The following PEAK1 variants were observed in gnomAD, a reference collection of about 807,000 sequenced individuals.
PEAK1 encodes pseudopodium enriched atypical kinase 1.
In PEAK1, 54 loss-of-function variants were observed where a neutral mutation model predicts 124.7. The observed-to-expected ratio is 0.43, with a 90% CI of 0.35 to 0.54. The LOEUF (loss-of-function observed/expected upper bound fraction) is 0.54. Ranked by LOEUF, PEAK1 falls within the 20% of genes least tolerant of loss-of-function variation. The pLI, the probability that PEAK1 is intolerant of heterozygous loss-of-function variation, is 0.01. For synonymous variants in PEAK1, 719 were observed against 760.0 expected, an observed-to-expected ratio of 0.95 and a Z score of 0.89; for missense variants, 2,046 against 2,134.5, an observed-to-expected ratio of 0.96 and a Z score of 0.82.
At chr15:77,296,795 T>C (rs1567225186) in intron 2 of PEAK1, among the ~76,000 whole-genome samples, 1 of 151,690 alleles carries the variant, frequency 6.6e-6, no homozygotes, top group African/African-American at 2.4e-5. Flanking sequence ...AAGAGGCCCA[T>C]ATTTTTCTTT....
intron 2 of PEAK1, among the ~76,000 whole-genome samples, chr15:77,351,474 G>A (rs2067205454): frequency 6.6e-6 from 1 of 152,114 alleles, no homozygotes; most frequent in Admixed American, 6.5e-5. Context: ...TCTCCATAGG[G>A]TATATGCCGT....
chr15:77,355,500 C>T lies in PEAK1; in HGVS notation c.-603+9663G>A, dbSNP rs367563838. Among the ~76,000 whole-genome samples, 6 of 152,118 alleles carry T rather than the reference C, an allele frequency of 3.9e-5. No individual in the cohort carries two copies. In the South Asian group the frequency reaches 6.2e-4, roughly 16 times the overall value. ...TCAGAGAGACCCTTTTATAATTGCG[C>T]AAGTCACAACACATTTTGGCCCCGC... On this transcript the variant is annotated intron_variant, in intron 2 of 9. Transcript: ENST00000682557.
rs145253499 is a variant in PEAK1 at position 77,343,190 on chromosome 15, T to C, written c.-603+21973A>G. Reference sequence around the variant, plus strand: ...CTATCCTAATAGGTGTAAAGTGGTATATCACTGTGTTTTGATTTGGATTTC... The same window carrying C: ...CTATCCTAATAGGTGTAAAGTGGTACATCACTGTGTTTTGATTTGGATTTC... On this transcript the variant is annotated intron_variant, in intron 2 of 9. Transcript: ENST00000682557. Among the ~76,000 whole-genome samples the C allele has an allele frequency of 2.8e-4, 42 of 152,352 alleles. No individual in the cohort carries two copies. In the East Asian group the frequency reaches 3.7e-3, roughly 13 times the overall value.
intron 6 of PEAK1, among the ~76,000 whole-genome samples, chr15:77,217,522 G>A (rs755163970): frequency 8.5e-5 from 13 of 152,126 alleles, no homozygotes; most frequent in Non-Finnish European, 1.2e-4. Context: ...AACGTTCCTG[G>A]TTCATTCTTC....
At chr15:77,118,799 G>C (rs903396315) in intron 9 of PEAK1, among the ~76,000 whole-genome samples, 6 of 152,274 alleles carry the variant, frequency 3.9e-5, no homozygotes, top group Non-Finnish European at 8.8e-5. Context: ...GAACTGGAAT[G>C]GTCCTACATC....
At chr15:77,122,855 T>C (rs2052038550) in intron 9 of PEAK1, among the ~76,000 whole-genome samples, 1 of 152,226 alleles carries the variant, frequency 6.6e-6, no homozygotes, top group Non-Finnish European at 1.5e-5. Context: ...CAGTAATTAA[T>C]TGTCTGTATA....
rs549613129 is a variant in PEAK1 at position 77,310,286 on chromosome 15, G to A, written c.-602-23782C>T. On this transcript the variant is annotated intron_variant, in intron 2 of 9. Coordinates refer to ENST00000682557, the MANE Select transcript of PEAK1 (RefSeq NM_001385026.1). ...TTTGAACTAATAGGTTTAAGTCTGG[G>A]GTCCCTGAGTCACTCCTTTTACAAG... Among the ~76,000 whole-genome samples the A allele has an allele frequency of 5.3e-5, 8 of 152,230 alleles. No homozygotes were observed. In the East Asian group the frequency reaches 5.8e-4, roughly 11 times the overall value.
chr15:77,149,098 C>T (rs544499771), intron 8 of PEAK1, among the ~76,000 whole-genome samples: 4 of 152,252 alleles, frequency 2.6e-5, no homozygotes, highest in Admixed American at 1.3e-4. Context: ...AATTGAAGCT[C>T]AGGGATGTTA....
At chr15:77,228,484 T>C (rs1361571288) in intron 6 of PEAK1, among the ~76,000 whole-genome samples, 1 of 152,140 alleles carries the variant, frequency 6.6e-6, no homozygotes, top group Non-Finnish European at 1.5e-5. Flanking sequence ...GGGCCCTTAA[T>C]GTTGCCTGGT....
downstream of PEAK1, chr15:77,106,633 G>C (rs1170092053): frequency 6.6e-6 from 1 of 152,176 alleles, no homozygotes; most frequent in Non-Finnish European, 1.5e-5. Context: ...CAAAGTGCTG[G>C]GATTACAGGT....
intron 2 of PEAK1, chr15:77,353,076 G>A (rs1221376490): frequency 2.5e-6 from 2 of 794,874 alleles, no homozygotes. Flanking sequence ...CCAGCTGCAA[G>A]CATGGAAGCA....
At chr15:77,194,353 T>C (rs974936120) in intron 6 of PEAK1, among the ~76,000 whole-genome samples, 1 of 152,188 alleles carries the variant, frequency 6.6e-6, no homozygotes, top group Non-Finnish European at 1.5e-5. Flanking sequence ...CATAAAGCCA[T>C]TAATTGTTCT....
chr15:77,408,154 TACACAC>T lies in PEAK1; in HGVS notation c.-666+11846_-666+11851del, dbSNP rs55866391. Among the ~76,000 whole-genome samples, 82 of 144,412 alleles carry T rather than the reference TACACAC, an allele frequency of 5.7e-4. 1 individual carries two copies. The highest frequency in any genetic ancestry group is 1.6e-3 in the East Asian group (8 of 4,974). The allele number at this position is 144,412 out of a possible 152,430, so 94.7% of individuals were successfully genotyped here. On this transcript the variant is annotated intron_variant, in intron 1 of 9. Coordinates refer to ENST00000682557, the MANE Select transcript of PEAK1 (RefSeq NM_001385026.1). Reference sequence around the variant, plus strand: ...AGACACATGTATACACATATATACATACACACACACACACACACACACACACACACA... The same window carrying T: ...AGACACATGTATACACATATATACATACACACACACACACACACACACACA...
At chr15:77,369,373 A>G (rs770143607) in intron 1 of PEAK1, among the ~76,000 whole-genome samples, 6 of 152,180 alleles carry the variant, frequency 3.9e-5, no homozygotes, top group Non-Finnish European at 5.9e-5. Context: ...ACAACCTATG[A>G]GTCGTCACTG....
At chr15:77,214,700 G>C (rs1426958436) in intron 6 of PEAK1, among the ~76,000 whole-genome samples, 1 of 151,968 alleles carries the variant, frequency 6.6e-6, no homozygotes, top group Non-Finnish European at 1.5e-5. Flanking sequence ...CTGTTTCTAG[G>C]GAGGCCTCAG....
At chr15:77,357,956 AT>A (rs529861325) in intron 2 of PEAK1, among the ~76,000 whole-genome samples, 74 of 152,274 alleles carry the variant, frequency 4.9e-4, no homozygotes, top group African/African-American at 1.7e-3. Context: ...CTTTTCCCAC[AT>A]AGCCAAGCCA....
chr15:77,219,548 TA>T lies in PEAK1; in HGVS notation c.-115+32818del, dbSNP rs931840693. On this transcript the variant is annotated intron_variant, in intron 6 of 9. Transcript: ENST00000682557. ...AGTCAGGATATACCTATATAGGTGCTAAATTAAAAATCAACCTTATATCTCA... is the reference window on the plus strand; with the variant it reads ...AGTCAGGATATACCTATATAGGTGCTAATTAAAAATCAACCTTATATCTCA... Among the ~76,000 whole-genome samples, 70 of 152,250 alleles carry T rather than the reference TA, an allele frequency of 4.6e-4. 1 individual carries two copies. The highest frequency in any genetic ancestry group is 1.6e-3 in the African/African-American group (66 of 41,550).
chr15:77,278,657 G>C (rs1471882757), intron 5 of PEAK1: 4 of 522,550 alleles, frequency 7.7e-6, no homozygotes, highest in Non-Finnish European at 3.8e-6. Flanking sequence ...CACTGGCAAG[G>C]AGGGGAATAA....
chr15:77,117,561 T>C (rs557553137), intron 9 of PEAK1, among the ~76,000 whole-genome samples: 1 of 152,312 alleles, frequency 6.6e-6, no homozygotes, highest in South Asian at 2.1e-4. Context: ...AGATCTTTAT[T>C]TTGAGTCCCG....
Sources: gnomAD v4.1 joint callset for allele counts (sites outside exome capture counted in the v4.1 genomes callset) on GRCh38, gnomAD v4.1.1 for gene constraint, MANE v1.5 for transcripts, NCBI Gene and HGNC (gene_info 2026-07-23, HGNC 2026-07-21) for gene names.